The following MAD1L1 variants were observed in gnomAD, a reference collection of about 807,000 sequenced individuals.
MAD1L1 encodes mitotic arrest deficient 1 like 1.
In MAD1L1, 95 loss-of-function variants were observed where a neutral mutation model predicts 96.9. The ratio of observed to expected loss-of-function variants is 0.98; its 90% CI spans 0.83 to 1.16. The LOEUF (loss-of-function observed/expected upper bound fraction) is 1.16. Among genes scored for constraint, MAD1L1 ranks in the 50% most tolerant of loss-of-function variants. The pLI is 0.00. For missense variants in MAD1L1, 1,007 were observed against 954.4 expected (o/e 1.06, Z -0.73); for synonymous variants, 473 against 396.6 (o/e 1.19, Z -2.29).
intron 16 of MAD1L1, among the ~76,000 whole-genome samples, chr7:1,954,328 G>A (rs1350262921): frequency 1.3e-5 from 2 of 152,192 alleles, no homozygotes; most frequent in Non-Finnish European, 2.9e-5. Context: ...GCTGCAGCCA[G>A]TGGGAGACAG....
At chr7:1,933,376 G>A (rs1471360553) in intron 17 of MAD1L1, among the ~76,000 whole-genome samples, 1 of 152,178 alleles carries the variant, frequency 6.6e-6, no homozygotes, top group East Asian at 1.9e-4. Flanking sequence ...ATAGCCTACA[G>A]GGTCACACCT....
chr7:2,108,424 T>C (rs3800906), intron 11 of MAD1L1, among the ~76,000 whole-genome samples: 4 of 152,232 alleles, frequency 2.6e-5, no homozygotes, highest in Admixed American at 6.5e-5. Flanking sequence ...AGTTTAAAAC[T>C]TTATTTAAAA....
At chr7:2,090,334 C>T (rs1786143138) in intron 11 of MAD1L1, among the ~76,000 whole-genome samples, 1 of 152,210 alleles carries the variant, frequency 6.6e-6, no homozygotes, top group African/African-American at 2.4e-5. Flanking sequence ...AGGCAAGCGT[C>T]CTGAACACTT....
chr7:2,074,519 C>G (rs750948822), intron 11 of MAD1L1, among the ~76,000 whole-genome samples: 29 of 152,334 alleles, frequency 1.9e-4, no homozygotes, highest in Admixed American at 3.3e-4. Context: ...GAGAACAGGG[C>G]AGCAGCCCAT....
In MAD1L1 at chr7:1,892,256, C is replaced by A. The variant is rs1786592627; in HGVS notation, c.1998+5944G>T. ...CCATGCGGCCCAAGGGTGCGGGAGG[C>A]TGCACGGCCCAGGCTCGTACAAGTC... is the stretch of plus-strand genomic sequence containing the variant. On this transcript the variant is annotated intron_variant, in intron 18 of 18. Transcript: ENST00000265854. 1.3e-5 allele frequency among the ~76,000 whole-genome samples: 2 copies of A among 152,212 alleles called. 1 individual carries two copies. The highest frequency in any genetic ancestry group is 4.1e-4 in the South Asian group (2 of 4,836).
At chr7:1,944,193 G>A (rs760661376) in intron 16 of MAD1L1, among the ~76,000 whole-genome samples, 1 of 152,160 alleles carries the variant, frequency 6.6e-6, no homozygotes, top group Non-Finnish European at 1.5e-5. Context: ...GTAGCCGACT[G>A]GTGGCTGAGG....
At chr7:1,966,364 C>G (rs1029731529) in intron 15 of MAD1L1, among the ~76,000 whole-genome samples, 6 of 152,122 alleles carry the variant, frequency 3.9e-5, no homozygotes, top group Non-Finnish European at 5.9e-5. Context: ...AGAGGCAGTT[C>G]CAGCTGCTGG....
intron 17 of MAD1L1, among the ~76,000 whole-genome samples, chr7:1,911,064 C>A (rs1469279491): frequency 1.2e-5 from 1 of 85,844 alleles, no homozygotes; most frequent in Non-Finnish European, 2.3e-5. Context: ...GGATTCATAA[C>A]TGCAGGCGTG....
chr7:1,930,993 G>A lies in MAD1L1; in HGVS notation c.1807+5694C>T, dbSNP rs911320105. ...GGGACTGTGCAGGCAGCCTACCCAC[G>A]GTCACAGGAGCGAGGGCGCGTCGTG... On this transcript the variant is annotated intron_variant, in intron 17 of 18. Coordinates refer to ENST00000265854, the MANE Select transcript of MAD1L1 (RefSeq NM_001013836.2). Among the ~76,000 whole-genome samples, 7 of 151,230 alleles carry A rather than the reference G, an allele frequency of 4.6e-5. No individual in the cohort carries two copies. The South Asian group carries it at 8.4e-4, about 18-fold the overall frequency.
chr7:2,093,244 C>CAAAAAA (rs10654575), intron 11 of MAD1L1, among the ~76,000 whole-genome samples: 3 of 101,012 alleles, frequency 3.0e-5, no homozygotes, highest in African/African-American at 1.2e-4. Flanking sequence ...GACTCCGTGT[C>CAAAAAA]AAAAAAAAAA....
chr7:2,001,992 T>A, intron 14 of MAD1L1, 73 bp downstream of exon 14: 1 of 1,520,710 alleles, frequency 6.6e-7, no homozygotes, highest in South Asian at 1.1e-5. Context: ...TAAAGGCTTA[T>A]GGGGACAGGC....
At chr7:2,154,766 T>C (rs1411066550) in intron 10 of MAD1L1, among the ~76,000 whole-genome samples, 1 of 151,932 alleles carries the variant, frequency 6.6e-6, no homozygotes, top group Non-Finnish European at 1.5e-5. Context: ...AAAGATGAAA[T>C]GGTTTTGCCA....
intron 16 of MAD1L1, among the ~76,000 whole-genome samples, chr7:1,939,194 TCACACACACA>T (rs67150262): frequency 1.1e-4 from 14 of 125,520 alleles, no homozygotes; most frequent in Non-Finnish European, 2.0e-4. Context: ...CCAGAGGCGC[TCACACACACA>T]CACACACACA....
chr7:2,052,989 TGAG>T (rs1458045890), intron 12 of MAD1L1, among the ~76,000 whole-genome samples: 3 of 152,114 alleles, frequency 2.0e-5, no homozygotes, highest in Non-Finnish European at 4.4e-5. Flanking sequence ...TCCACCAGCC[TGAG>T]GAGGGAACGG....
intron 11 of MAD1L1, among the ~76,000 whole-genome samples, chr7:2,092,352 A>G (rs1786259171): frequency 6.6e-6 from 1 of 152,134 alleles, no homozygotes; most frequent in African/African-American, 2.4e-5. Context: ...TCAAATTCCC[A>G]GGTTCAAGCA....
chr7:1,983,092 G>GGA (rs1780981100), intron 14 of MAD1L1, among the ~76,000 whole-genome samples: 1 of 151,230 alleles, frequency 6.6e-6, no homozygotes, highest in African/African-American at 2.4e-5. Context: ...GCGCGTGCAT[G>GGA]CACACACACA....
chr7:1,957,870 C>G, intron 15 of MAD1L1, 151 bp from the exon 16 acceptor site: 1 of 667,554 alleles, frequency 1.5e-6, no homozygotes, highest in Non-Finnish European at 2.6e-6. Flanking sequence ...CAGAGTCCAG[C>G]GATAACATCA....
chr7:2,128,753 C>G (rs903091404), intron 11 of MAD1L1, among the ~76,000 whole-genome samples: 3 of 152,188 alleles, frequency 2.0e-5, no homozygotes, highest in Non-Finnish European at 4.4e-5. Context: ...GGGGACAGGA[C>G]AGGTGGCTGC....
At chr7:2,001,597 C>A in intron 14 of MAD1L1, among the ~76,000 whole-genome samples, 1 of 152,246 alleles carries the variant, frequency 6.6e-6, no homozygotes, top group East Asian at 1.9e-4. Flanking sequence ...CAGATAAGCA[C>A]TCACTAGAGA....
Sources: allele counts gnomAD v4.1 joint callset (sites outside exome capture counted in the v4.1 genomes callset), GRCh38; gene constraint gnomAD v4.1.1; transcripts MANE v1.5; gene names NCBI Gene and HGNC (gene_info 2026-07-23, HGNC 2026-07-21).